Variants in THSD7A observed in about 807,000 individuals in gnomAD.
THSD7A encodes thrombospondin type-1 domain-containing protein 7A.
Under a neutral mutation model 231.3 loss-of-function variants are expected in THSD7A, and 96 were observed. The ratio of observed to expected loss-of-function variants is 0.41; its 90% CI spans 0.35 to 0.49. The LOEUF (loss-of-function observed/expected upper bound fraction) is 0.49. THSD7A is among the 20% of genes least tolerant of loss of function. The pLI is 0.05. For synonymous variants in THSD7A, 940 were observed against 743.3 expected (o/e 1.26, Z -4.30); for missense variants, 2,290 against 2,070.2 (o/e 1.11, Z -2.06).
chr7:11,545,654 A>G (rs1299694951), intron 4 of THSD7A, among the ~76,000 whole-genome samples: 1 of 152,146 alleles, frequency 6.6e-6, no homozygotes, highest in Non-Finnish European at 1.5e-5. Flanking sequence ...GGTGAATTAA[A>G]CAGGCATGGA....
At chr7:11,785,893 T>A (rs372569408) in intron 1 of THSD7A, among the ~76,000 whole-genome samples, 1 of 152,156 alleles carries the variant, frequency 6.6e-6, no homozygotes, top group Non-Finnish European at 1.5e-5. Context: ...GGTTAATTTG[T>A]AATCTTTAAT....
At chr7:11,759,503 T>A (rs141012686) in intron 1 of THSD7A, among the ~76,000 whole-genome samples, 20 of 152,172 alleles carry the variant, frequency 1.3e-4, no homozygotes, top group Admixed American at 1.3e-3. Flanking sequence ...CTAACATATC[T>A]AATCAGTGTT....
chr7:11,423,709 G>C (rs1034412049), intron 16 of THSD7A, among the ~76,000 whole-genome samples: 1 of 152,098 alleles, frequency 6.6e-6, no homozygotes, highest in Non-Finnish European at 1.5e-5. Context: ...TTTAAAAAGA[G>C]TGATGGGAGA....
At position 11,462,103 on chromosome 7, in the gene THSD7A, G is replaced by A. The variant is rs1172443594; in HGVS notation, c.2409C>T (p.Ile803=). 1 of 1,613,770 alleles carries A rather than the reference G, an allele frequency of 6.2e-7. No homozygotes were observed. The highest frequency in any genetic ancestry group is 1.7e-5 in the Admixed American group (1 of 59,994). The change falls in exon 10 of 28, where the codon ATC becomes ATT. Residue 803 remains isoleucine (I), a synonymous_variant. Coordinates refer to ENST00000423059, the MANE Select transcript of THSD7A (RefSeq NM_015204.3). ...SIRKQSRHRV[I]IQLPANGGRD... is the part of the protein sequence containing the mutation. ...GGCCCCCGTTGGCTGGCAGCTGAAT[G>A]ATGACCCGATGCCTAGACTGCTTCC...
chr7:11,594,785 G>A (rs541158860), intron 2 of THSD7A, among the ~76,000 whole-genome samples: 11 of 152,266 alleles, frequency 7.2e-5, no homozygotes, highest in Admixed American at 2.6e-4. Flanking sequence ...AGAAGGAGCC[G>A]AAATTGTGGA....
At chr7:11,441,282 C>A (rs1784795916) in intron 13 of THSD7A, among the ~76,000 whole-genome samples, 1 of 151,920 alleles carries the variant, frequency 6.6e-6, no homozygotes, top group South Asian at 2.1e-4. Flanking sequence ...AGATGATACA[C>A]CCTTTAGAAA....
At chr7:11,689,259 A>G (rs893136039) in intron 1 of THSD7A, among the ~76,000 whole-genome samples, 1 of 151,882 alleles carries the variant, frequency 6.6e-6, no homozygotes, top group African/African-American at 2.4e-5. Context: ...AGGTCAAAGC[A>G]CTTGCCGGTT....
At chr7:11,714,991 C>T (rs1427831919) in intron 1 of THSD7A, among the ~76,000 whole-genome samples, 5 of 151,348 alleles carry the variant, frequency 3.3e-5, no homozygotes, top group Non-Finnish European at 7.4e-5. Context: ...ACATATTTGG[C>T]GAAGTGGCTT....
At chr7:11,706,573 T>C (rs2128146860) in intron 1 of THSD7A, among the ~76,000 whole-genome samples, 1 of 149,426 alleles carries the variant, frequency 6.7e-6, no homozygotes, top group South Asian at 2.1e-4. Flanking sequence ...TAGATTACTC[T>C]TTATATAATT....
chr7:11,417,810 G>A (rs1465036426), intron 16 of THSD7A, among the ~76,000 whole-genome samples: 2 of 152,102 alleles, frequency 1.3e-5, no homozygotes, highest in African/African-American at 2.4e-5. Flanking sequence ...AATATCTGTA[G>A]TGCTTCTGCA....
In THSD7A at chr7:11,637,918, G is replaced by T. The variant is rs1584125178; in HGVS notation, c.191-957C>A. Among the ~76,000 whole-genome samples the T allele has an allele frequency of 1.3e-5, 2 of 152,150 alleles. No individual in the cohort carries two copies. The highest frequency in any genetic ancestry group is 1.5e-5 in the Non-Finnish European group (1 of 67,992). ...CGAAATTGAGAATTGTATTATTTTG[G>T]AATCATAAAGAAACTTAAAGTTCAT... is the stretch of plus-strand genomic sequence containing the variant. On this transcript the variant is annotated intron_variant, in intron 1 of 27. Coordinates refer to ENST00000423059, the MANE Select transcript of THSD7A (RefSeq NM_015204.3). The surrounding 1 kb of genome is among the most constrained non-coding windows in gnomAD (Gnocchi z 4.2).
At chr7:11,544,036 T>C (rs1271613299) in intron 4 of THSD7A, among the ~76,000 whole-genome samples, 3 of 152,124 alleles carry the variant, frequency 2.0e-5, no homozygotes, top group African/African-American at 7.2e-5. Flanking sequence ...ATATTTGCTT[T>C]TGTTTTAAAA....
At position 11,474,236 on chromosome 7, in the gene THSD7A, A is replaced by G; in HGVS notation, c.2252+98T>C. On this transcript the variant is annotated intron_variant, in intron 8 of 27. Coordinates refer to ENST00000423059, the MANE Select transcript of THSD7A (RefSeq NM_015204.3). The surrounding 1 kb of genome is among the most constrained non-coding windows in gnomAD (Gnocchi z 4.1). Reference sequence around the variant, plus strand: ...CTTGCTCTTGAGGACAGGTATGACAAGCATCAAAATGTTCCATTTCATGAA... The same window carrying G: ...CTTGCTCTTGAGGACAGGTATGACAGGCATCAAAATGTTCCATTTCATGAA... 1 of 1,014,738 alleles carries G rather than the reference A, an allele frequency of 9.9e-7. No homozygotes were observed. The allele number at this position is 1,014,738 out of a possible 1,614,324, so 62.9% of individuals were successfully genotyped here.
intron 1 of THSD7A, among the ~76,000 whole-genome samples, chr7:11,784,815 T>C (rs368045232): frequency 6.6e-6 from 1 of 152,044 alleles, no homozygotes. Flanking sequence ...AATTTTAGAG[T>C]GAGCAAATGT....
At chr7:11,486,594 C>T (rs539080972) in intron 6 of THSD7A, among the ~76,000 whole-genome samples, 11 of 106,624 alleles carry the variant, frequency 1.0e-4, no homozygotes, top group East Asian at 2.8e-4. Flanking sequence ...TATGAACCAA[C>T]GCAACTTGTT....
intron 4 of THSD7A, among the ~76,000 whole-genome samples, chr7:11,582,247 A>G (rs540226057): frequency 2.4e-4 from 36 of 151,866 alleles, no homozygotes; most frequent in South Asian, 1.7e-3. Flanking sequence ...ACTTGATTAT[A>G]TTAGTGTATA....
rs150441281 is a variant in THSD7A, at chr7:11,530,215, A to T, written c.1822+11204T>A. Among the ~76,000 whole-genome samples the T allele has an allele frequency of 3.2e-3, 494 of 152,244 alleles. 5 individuals are homozygous for T. Among genetic ancestry groups the T allele is most frequent in the African/African-American group, 0.012 (479 of 41,542 alleles). ...TTCTTCCTATGAAAATACAGGAGCT[A>T]TTTTGCTCCACTGTACTGGGACTTG... On this transcript the variant is annotated intron_variant, in intron 6 of 27. Coordinates refer to ENST00000423059, the MANE Select transcript of THSD7A (RefSeq NM_015204.3).
chr7:11,570,717 C>T (rs1041886223), intron 4 of THSD7A, among the ~76,000 whole-genome samples: 2 of 152,044 alleles, frequency 1.3e-5, no homozygotes, highest in Non-Finnish European at 2.9e-5. Flanking sequence ...TAATTGGACA[C>T]AAAGAACCAT....
chr7:11,766,049 C>T (rs1294948551), intron 1 of THSD7A, among the ~76,000 whole-genome samples: 2 of 152,122 alleles, frequency 1.3e-5, no homozygotes, highest in African/African-American at 2.4e-5. Flanking sequence ...AAGTAAATAG[C>T]TAAAAGTGAA....
Sources: allele counts gnomAD v4.1 joint callset (sites outside exome capture counted in the v4.1 genomes callset), GRCh38; gene constraint gnomAD v4.1.1; non-coding constraint Gnocchi (gnomAD v3.1); transcripts MANE v1.5; gene names NCBI Gene and HGNC (gene_info 2026-07-23, HGNC 2026-07-21).